The following PALM2AKAP2 variants were observed in gnomAD, a reference collection of about 807,000 sequenced individuals.
PALM2AKAP2 encodes the protein PALM2-AKAP2 fusion protein.
PALM2AKAP2 carries 37 observed loss-of-function variants against 71.5 expected under a neutral mutation model. The ratio of observed to expected loss-of-function variants is 0.52; its 90% CI spans 0.40 to 0.68. The LOEUF (loss-of-function observed/expected upper bound fraction) is 0.68. Ranked by LOEUF, PALM2AKAP2 falls within the 30% of genes least tolerant of loss-of-function variation. The pLI, the probability that PALM2AKAP2 is intolerant of heterozygous loss-of-function variation, is 0.00. For synonymous variants in PALM2AKAP2, 468 were observed against 478.8 expected (o/e 0.98, Z 0.29); for missense variants, 1,224 against 1,191.8 (o/e 1.03, Z -0.40).
chr9:109,691,320 C>T (rs1827881438), intron 1 of PALM2AKAP2, among the ~76,000 whole-genome samples: 1 of 151,974 alleles, frequency 6.6e-6, no homozygotes, highest in Non-Finnish European at 1.5e-5. Flanking sequence ...TCCTTCCTGT[C>T]TTTTTCTTTC....
chr9:109,702,634 C>T (rs1484761918), intron 1 of PALM2AKAP2, among the ~76,000 whole-genome samples: 1 of 151,508 alleles, frequency 6.6e-6, no homozygotes, highest in Non-Finnish European at 1.5e-5. Flanking sequence ...AGGAGATATA[C>T]CTAATGTTAA....
chr9:109,723,934 A>G (rs1303177699), intron 1 of PALM2AKAP2, among the ~76,000 whole-genome samples: 1 of 152,218 alleles, frequency 6.6e-6, no homozygotes, highest in East Asian at 1.9e-4. Context: ...TAATAAATGT[A>G]TGTCAGGACC....
intron 6 of PALM2AKAP2, among the ~76,000 whole-genome samples, chr9:109,955,796 G>T (rs969979407): frequency 1.3e-5 from 2 of 151,946 alleles, no homozygotes; most frequent in African/African-American, 4.8e-5. Flanking sequence ...AATTAGCTGG[G>T]TGTAGTGGTG....
At chr9:110,019,259 A>AAAG (rs1554739074) in intron 7 of PALM2AKAP2, among the ~76,000 whole-genome samples, 14 of 150,778 alleles carry the variant, frequency 9.3e-5, no homozygotes, top group African/African-American at 3.4e-4. Flanking sequence ...AAAAAAAAAA[A>AAAG]AGAGAGATAC....
rs531752583 is a variant in PALM2AKAP2 at position 110,038,805 on chromosome 9, G to C, written c.582+22766G>C. ...AATACAAAAAAATTACCTGGGCCTG[G>C]TGGAGGGCGCTTGTAATCCCAGCTA... On this transcript the variant is annotated intron_variant, in intron 7 of 9. Transcript: ENST00000302798. Among the ~76,000 whole-genome samples, 173 of 151,880 alleles carry C rather than the reference G, an allele frequency of 1.1e-3. 2 individuals are homozygous for C. Among genetic ancestry groups the C allele is most frequent in the Non-Finnish European group, 2.1e-3 (146 of 67,956 alleles).
chr9:109,988,607 G>A lies in PALM2AKAP2; in HGVS notation c.497-27347G>A, dbSNP rs7857970. Among the ~76,000 whole-genome samples, 3 of 83,124 alleles carry A rather than the reference G, an allele frequency of 3.6e-5. 1 individual carries two copies. The Admixed American group carries it at 4.2e-4, about 12-fold the overall frequency. The allele number at this position is 83,124 out of a possible 152,430, so 54.5% of individuals were successfully genotyped here. A position where few individuals can be genotyped will look rare whatever the true frequency, so the allele number is the denominator to read the frequency against. Reference sequence around the variant, plus strand: ...AAAAGGAAGAAAGGAAGGAAGGAAGGAACGAAGGAAGGATCGAAGGGAGGG... The same window carrying A: ...AAAAGGAAGAAAGGAAGGAAGGAAGAAACGAAGGAAGGATCGAAGGGAGGG... On this transcript the variant is annotated intron_variant, in intron 6 of 9. Transcript: ENST00000302798.
At chr9:110,135,164 A>AAAAAAAAAAAAAAAAAAAATAT in intron 1 of PALM2AKAP2, among the ~76,000 whole-genome samples, 1 of 51,744 alleles carries the variant, frequency 1.9e-5, no homozygotes, top group Non-Finnish European at 3.8e-5. Flanking sequence ...AAAAAAAAAA[A>AAAAAAAAAAAAAAAAAAAATAT]ATATATAAAT....
In PALM2AKAP2 at chr9:109,880,458, AG is replaced by A. The variant is rs1829819672; in HGVS notation, c.127-89del. On this transcript the variant is annotated intron_variant, in intron 2 of 9. Coordinates refer to the PALM2AKAP2 transcript ENST00000302798. Reference sequence around the variant, plus strand: ...GGCAGCGATTCAGGCAGCGCTGGTGAGGGGTGGAGCTAAAACAGCACCACTG... The same window carrying A: ...GGCAGCGATTCAGGCAGCGCTGGTGAGGGTGGAGCTAAAACAGCACCACTG... The A allele has an allele frequency of 1.0e-4, 153 of 1,532,006 alleles. 2 individuals are homozygous for A. In the South Asian group the frequency reaches 1.9e-3, roughly 19 times the overall value. The allele number at this position is 1,532,006 out of a possible 1,614,324, so 94.9% of individuals were successfully genotyped here.
At chr9:110,102,776 A>T (rs1214477041) in intron 1 of PALM2AKAP2, among the ~76,000 whole-genome samples, 1 of 152,182 alleles carries the variant, frequency 6.6e-6, no homozygotes, top group Admixed American at 6.5e-5. Flanking sequence ...AATGACACTT[A>T]AAATTTAAGA....
chr9:110,059,903 G>A (rs10980170), intron 1 of PALM2AKAP2, among the ~76,000 whole-genome samples: 14,640 of 152,188 alleles, frequency 0.096, 719 homozygotes, highest in Middle Eastern at 0.19. Context: ...CCTGGTCATC[G>A]ATTTTTAGTA....
At chr9:109,928,689 T>TTTTA (rs1831013506) in intron 5 of PALM2AKAP2, among the ~76,000 whole-genome samples, 2 of 151,540 alleles carry the variant, frequency 1.3e-5, no homozygotes, top group Non-Finnish European at 1.5e-5. Flanking sequence ...TTTTTTTTTT[T>TTTTA]GAGTCAGCAT....
chr9:109,929,950 T>A (rs1831055871), intron 5 of PALM2AKAP2, among the ~76,000 whole-genome samples: 1 of 151,012 alleles, frequency 6.6e-6, no homozygotes. Flanking sequence ...GACATGTGGC[T>A]TCACTCACAG....
chr9:109,740,864 G>A (rs371925855), intron 1 of PALM2AKAP2, among the ~76,000 whole-genome samples: 2 of 152,160 alleles, frequency 1.3e-5, no homozygotes, highest in South Asian at 4.1e-4. Context: ...GTGTTGGCCA[G>A]GATGGTCTCA....
chr9:109,803,619 A>G (rs1827494356), intron 1 of PALM2AKAP2, among the ~76,000 whole-genome samples: 1 of 152,230 alleles, frequency 6.6e-6, no homozygotes, highest in Non-Finnish European at 1.5e-5. Context: ...TGTCCTGGTC[A>G]GTTCTCATCA....
chr9:109,653,683 C>A (rs1298546804), intron 1 of PALM2AKAP2, among the ~76,000 whole-genome samples: 1 of 152,164 alleles, frequency 6.6e-6, no homozygotes, highest in Non-Finnish European at 1.5e-5. Flanking sequence ...GTGTTCCCAA[C>A]AAGCTTCCCA....
At chr9:109,815,917 G>A (rs1291331918) in intron 1 of PALM2AKAP2, among the ~76,000 whole-genome samples, 2 of 152,184 alleles carry the variant, frequency 1.3e-5, no homozygotes, top group East Asian at 3.8e-4. Flanking sequence ...GCAGGTGAGT[G>A]GAGGATAAAT....
Position 110,099,437 on chromosome 9 carries a change from T to C in PALM2AKAP2, c.157-36690T>C, listed in dbSNP as rs1409820625. On this transcript the variant is annotated intron_variant, in intron 1 of 3. Transcript: ENST00000374525. ...AATGACTCAAGTTTCCAGGCAGCTA[T>C]GAATGAGGTGTTTTTCTGGGCGGTC... 2.6e-5 allele frequency among the ~76,000 whole-genome samples: 4 copies of C among 152,192 alleles called. No homozygotes were observed. The East Asian group carries it at 5.8e-4, about 22-fold the overall frequency.
intron 6 of PALM2AKAP2, among the ~76,000 whole-genome samples, chr9:109,999,849 A>G (rs1005124448): frequency 6.6e-5 from 10 of 152,060 alleles, no homozygotes; most frequent in African/African-American, 2.4e-4. Context: ...CTAAGACACC[A>G]CCAAGGAGGA....
At position 110,157,543 on chromosome 9, in the gene PALM2AKAP2, C is replaced by T. The variant is rs181144428; in HGVS notation, c.2748+1046C>T. 8.4e-4 allele frequency among the ~76,000 whole-genome samples: 128 copies of T among 152,176 alleles called. 1 individual carries two copies. The highest frequency in any genetic ancestry group is 2.9e-3 in the African/African-American group (121 of 41,494). On this transcript the variant is annotated intron_variant, in intron 3 of 3. Transcript: ENST00000374525. Reference sequence around the variant, plus strand: ...CCTCCTGAATAGCTGGGACCACACGCGTATGCCACCATACCTGGCTTATTT... The same window carrying T: ...CCTCCTGAATAGCTGGGACCACACGTGTATGCCACCATACCTGGCTTATTT...
Sources: allele counts gnomAD v4.1 joint callset (sites outside exome capture counted in the v4.1 genomes callset), GRCh38; gene constraint gnomAD v4.1.1; transcripts MANE v1.5; gene names NCBI Gene and HGNC (gene_info 2026-07-23, HGNC 2026-07-21).